MAP2K7: variants seen among roughly 807,000 people sequenced by gnomAD.
MAP2K7 encodes the protein dual specificity mitogen-activated protein kinase kinase 7.
Under a neutral mutation model 47.7 loss-of-function variants are expected in MAP2K7, and 12 were observed. The ratio of observed to expected loss-of-function variants is 0.25; its 90% CI spans 0.16 to 0.41. The LOEUF is 0.41. Ranked by LOEUF, MAP2K7 falls within the 10% of genes least tolerant of loss-of-function variation. The pLI, the probability that MAP2K7 is intolerant of heterozygous loss-of-function variation, is 1.00. For missense variants in MAP2K7, 415 were observed against 600.3 expected, an observed-to-expected ratio of 0.69 and a Z score of 3.23; for synonymous variants, 299 against 243.0, an observed-to-expected ratio of 1.23 and a Z score of -2.14.
At chr19:7,909,543 A>G (rs1982677523) in intron 1 of MAP2K7, among the ~76,000 whole-genome samples, 1 of 152,140 alleles carries the variant, frequency 6.6e-6, no homozygotes, top group South Asian at 2.1e-4. Flanking sequence ...TTTCCAGGTC[A>G]GGGGATGAGA....
intron 5 of MAP2K7, 25 bp from the exon 6 acceptor site, chr19:7,910,670 TC>T (rs1368219220): frequency 2.5e-6 from 4 of 1,605,786 alleles, no homozygotes; most frequent in Non-Finnish European, 3.4e-6. Flanking sequence ...AAGACACAGC[TC>T]CCCCGGGTGC....
intron 3 of MAP2K7, 25 bp downstream of exon 3, chr19:7,910,154 G>C: frequency 6.3e-7 from 1 of 1,594,342 alleles, no homozygotes; most frequent in Non-Finnish European, 8.5e-7. Flanking sequence ...GTGGCGGGGA[G>C]AGGGAGGAGG....
rs372106606 is a variant in MAP2K7 at position 7,910,214 on chromosome 19, G to C, written c.334-46G>C. 3 of 1,603,840 alleles carry C rather than the reference G, an allele frequency of 1.9e-6. No homozygotes were observed. The South Asian group carries it at 3.3e-5, about 18-fold the overall frequency. ...GGAGCGCCAGTGGGGGGCAGGGGGC[G>C]GTGGCAGAGGCCCCAGGGACCCTCC... On this transcript the variant is annotated intron_variant, in intron 3 of 10. Transcript: ENST00000397979.
At chr19:7,904,455 T>C in intron 1 of MAP2K7, 2 of 378,706 alleles carry the variant, frequency 5.3e-6, no homozygotes, top group Non-Finnish European at 1.1e-5. Flanking sequence ...TCTCAGGGAC[T>C]GTCTGGCGCC....
At chr19:7,905,788 T>G in intron 1 of MAP2K7, 1 of 1,608,726 alleles carries the variant, frequency 6.2e-7, no homozygotes. Context: ...GTTGTTTTTT[T>G]CTTCCTTTTC....
chr19:7,903,893 G>C lies in MAP2K7; in HGVS notation c.-52G>C. The C allele has an allele frequency of 7.1e-7, 1 of 1,403,718 alleles. No individual in the cohort carries two copies. Among genetic ancestry groups the C allele is most frequent in the Non-Finnish European group, 9.5e-7 (1 of 1,057,026 alleles). 87.0% of individuals were successfully genotyped at this position (1,403,718 alleles called of 1,614,324 possible). On this transcript the variant is annotated 5_prime_UTR_variant, in exon 1 of 11. Transcript: ENST00000397979. ...CGCAGGCGCAGTGCGGTGTTTGTCT[G>C]CCGGACTGACGGGCGGCCGGGCGGT... is the stretch of plus-strand genomic sequence containing the variant.
In MAP2K7 at chr19:7,913,926, C is replaced by G. The variant is rs1983113750; in HGVS notation, c.*1495C>G. 6.6e-6 allele frequency: 1 copy of G among 152,458 alleles called. No homozygotes were observed. 9.4% of individuals were successfully genotyped at this position (152,458 alleles called of 1,614,324 possible). A position where few individuals can be genotyped will look rare whatever the true frequency, so the allele number is the denominator to read the frequency against. ...TTATTATCATGATATTCACAAAACGCCGCATGTTTAAAAAGTCATAGATGT... is the reference window on the plus strand; with the variant it reads ...TTATTATCATGATATTCACAAAACGGCGCATGTTTAAAAAGTCATAGATGT... On this transcript the variant is annotated 3_prime_UTR_variant, in exon 11 of 11. Transcript: ENST00000397979.
In MAP2K7 at chr19:7,911,329, T is replaced by C; in HGVS notation, c.935T>C (p.Leu312Ser). The C allele has an allele frequency of 6.2e-7, 1 of 1,613,378 alleles. No homozygotes were observed. Among genetic ancestry groups the C allele is most frequent in the Non-Finnish European group, 8.5e-7 (1 of 1,179,980 alleles). Residue 312 changes from leucine to serine, a missense_variant and splice_region_variant, in exon 8 of 11, where the codon TTG (leucine) becomes TCG (serine). Around this residue, in one of 3 missense-constraint regions of MAP2K7, gnomAD observed 206 missense variants for 368.8 expected, o/e 0.56. Transcript: ENST00000397979. ...RADVWSLGIS[L>S]VELATGQFPY... ...GACGTATGGAGCCTGGGCATCTCGT[T>C]GGTGAGTTGGGGCCCTCCCCTGTTC...
intron 1 of MAP2K7, among the ~76,000 whole-genome samples, chr19:7,908,945 T>TGCCTGCCCGCC (rs1251878806): frequency 6.6e-6 from 1 of 150,594 alleles, no homozygotes; most frequent in Non-Finnish European, 1.5e-5. Context: ...GGGTGCCTGC[T>TGCCTGCCCGCC]GCCTGCCCGC....
At position 7,904,029 on chromosome 19, in the gene MAP2K7, G is replaced by C; in HGVS notation, c.85G>C (p.Asp29His). 1 of 1,337,418 alleles carries C rather than the reference G, an allele frequency of 7.5e-7. No homozygotes were observed. Among genetic ancestry groups the C allele is most frequent in the Non-Finnish European group, 9.8e-7 (1 of 1,017,672 alleles). The allele number at this position is 1,337,418 out of a possible 1,614,324, so 82.8% of individuals were successfully genotyped here. Residue 29 changes from aspartate (D) to histidine (H), a missense_variant, in exon 1 of 11, where the codon GAC becomes CAC. Physicochemically the swap from Asp to His is moderately conservative, Grantham distance 81. Transcript: ENST00000397979. ...QENREARRRIDLNLDISPQRP... is the reference protein window; with the variant it reads ...QENREARRRIHLNLDISPQRP... ...GAACCGGGAGGCCCGGCGGAGGATC[G>C]ACCTCAACCTGGATATCAGCCCCCA...
Position 7,911,230 on chromosome 19 carries a change from T to TC in MAP2K7, c.856-20_856-19insC, listed in dbSNP as rs761319079. 6.3e-7 allele frequency: 1 copy of TC among 1,597,936 alleles called. No homozygotes were observed. The highest frequency in any genetic ancestry group is 2.2e-5 in the East Asian group (1 of 44,680). ...CCGGCCCCAGCCTTGGAGATACGTCTTCTCCTCCCCCCCCTGCAGCCCGAG... is the reference window on the plus strand; with the variant it reads ...CCGGCCCCAGCCTTGGAGATACGTCTCTCTCCTCCCCCCCCTGCAGCCCGAG... On this transcript the variant is annotated intron_variant, in intron 7 of 10. Transcript: ENST00000397979.
At chr19:7,910,924 A>AG in intron 6 of MAP2K7, 56 bp from the exon 7 acceptor site, 1 of 1,593,044 alleles carries the variant, frequency 6.3e-7, no homozygotes, top group Non-Finnish European at 8.6e-7. Flanking sequence ...TGCACCGGGC[A>AG]GGTGGCCTTG....
intron 1 of MAP2K7, chr19:7,906,057 C>T: frequency 8.3e-6 from 5 of 604,430 alleles, no homozygotes; most frequent in Non-Finnish European, 1.5e-5. Flanking sequence ...CCTCCTCCCC[C>T]TCCCTTACTC....
chr19:7,909,729 C>G (rs528041049), intron 1 of MAP2K7, 26 bp from the exon 2 acceptor site: 81 of 1,497,684 alleles, frequency 5.4e-5, no homozygotes, highest in Non-Finnish European at 7.0e-5. Context: ...GACCCCCCTC[C>G]CTGCCACTGG....
At chr19:7,906,283 C>A (rs1020110337) in intron 1 of MAP2K7, 3 of 198,554 alleles carry the variant, frequency 1.5e-5, no homozygotes, top group Admixed American at 5.4e-5. Context: ...GCCCTGGGCG[C>A]CAGGGACACA....
rs1982958753 is a variant in MAP2K7, at chr19:7,912,530, C to T, written c.*99C>T. 2.1e-6 allele frequency: 3 copies of T among 1,395,910 alleles called. No individual in the cohort carries two copies. The highest frequency in any genetic ancestry group is 2.9e-6 in the Non-Finnish European group (3 of 1,048,932). The allele number at this position is 1,395,910 out of a possible 1,614,324, so 86.5% of individuals were successfully genotyped here. On this transcript the variant is annotated 3_prime_UTR_variant, in exon 11 of 11. Transcript: ENST00000397979. ...GCTGCCTGCCAGGGGAGACCTGGGACCTGGACGGCCACCTAGGACTGAGGA... is the reference window on the plus strand; with the variant it reads ...GCTGCCTGCCAGGGGAGACCTGGGATCTGGACGGCCACCTAGGACTGAGGA...
Position 7,908,275 on chromosome 19 carries a change from G to A in MAP2K7, c.125-1480G>A, listed in dbSNP as rs184612857. On this transcript the variant is annotated intron_variant, in intron 1 of 10. Coordinates refer to ENST00000397979, the MANE Select transcript of MAP2K7 (RefSeq NM_145185.4). The stretch of plus-strand genomic sequence containing the variant: ...CCTCTAGGCCAGTCATGAACGCTGG[G>A]CCTGGCTGTGTCCCAAGGTCCCCAG... Among the ~76,000 whole-genome samples, 18 of 152,184 alleles carry A rather than the reference G, an allele frequency of 1.2e-4. No homozygotes were observed. The East Asian group carries it at 3.1e-3, about 26-fold the overall frequency.
chr19:7,909,782 G>A lies in MAP2K7; in HGVS notation c.152G>A (p.Gly51Glu). Residue 51 changes from glycine (G) to glutamate (E), a missense_variant, in exon 2 of 11, where the codon GGG becomes GAG. Gly to Glu is a moderately conservative substitution (Grantham distance 98). Transcript: ENST00000397979. ...CTGCAGCTCCCGCTGGCCAACGATGGGGGCAGCCGCTCGCCATCCTCAGAG... is the reference window on the plus strand; with the variant it reads ...CTGCAGCTCCCGCTGGCCAACGATGAGGGCAGCCGCTCGCCATCCTCAGAG... The part of the protein sequence containing the change: ...PTLQLPLAND[G>E]GSRSPSSESS... 1 of 1,542,346 alleles carries A rather than the reference G, an allele frequency of 6.5e-7. No individual in the cohort carries two copies. Among genetic ancestry groups the A allele is most frequent in the South Asian group, 1.2e-5 (1 of 83,820 alleles).
At chr19:7,908,789 C>A (rs979137911) in intron 1 of MAP2K7, among the ~76,000 whole-genome samples, 2 of 152,094 alleles carry the variant, frequency 1.3e-5, no homozygotes, top group African/African-American at 4.8e-5. Flanking sequence ...GAGACCCTAG[C>A]TCCTCCGGGA....
Sources: allele counts gnomAD v4.1 joint callset (sites outside exome capture counted in the v4.1 genomes callset), GRCh38; gene constraint gnomAD v4.1.1; regional missense constraint gnomAD v4.1.1; transcripts MANE v1.5; gene names NCBI Gene and HGNC (gene_info 2026-07-23, HGNC 2026-07-21).